The following ESRRG variants were observed in gnomAD, a reference collection of about 807,000 sequenced individuals.
The protein encoded by ESRRG is estrogen-related receptor gamma.
A neutral mutation model predicts 44.0 loss-of-function variants in ESRRG; 13 were observed. The observed-to-expected ratio is 0.30, with a 90% confidence interval of 0.19 to 0.47. The LOEUF (loss-of-function observed/expected upper bound fraction) is 0.47. ESRRG is among the 20% of genes least tolerant of loss of function. The probability of loss-of-function intolerance (pLI) is 1.00; values close to 1 mark genes in which losing one functional copy is unlikely to be tolerated. For missense variants in ESRRG, 395 were observed against 580.6 expected (o/e 0.68, Z 3.29); for synonymous variants, 215 against 214.6 (o/e 1.00, Z -0.02).
intron 3 of ESRRG, among the ~76,000 whole-genome samples, chr1:216,615,187 C>T (rs1304696019): frequency 1.3e-5 from 2 of 152,166 alleles, no homozygotes; most frequent in Non-Finnish European, 2.9e-5. Flanking sequence ...TTCAAAGTGA[C>T]TGAGGAGCTT....
At chr1:216,693,509 G>C (rs1017298397) in intron 1 of ESRRG, among the ~76,000 whole-genome samples, 1 of 152,116 alleles carries the variant, frequency 6.6e-6, no homozygotes, top group Non-Finnish European at 1.5e-5. Context: ...AGATACCAAA[G>C]TCTACAGATG....
intron 2 of ESRRG, among the ~76,000 whole-genome samples, chr1:216,795,148 A>C (rs2094438494): frequency 6.6e-6 from 1 of 152,110 alleles, no homozygotes; most frequent in African/African-American, 2.4e-5. Context: ...CTTCTCAAAA[A>C]TGTGAGTACC....
chr1:217,061,528 G>T (rs1449899977), intron 1 of ESRRG, among the ~76,000 whole-genome samples: 1 of 152,120 alleles, frequency 6.6e-6, no homozygotes, highest in African/African-American at 2.4e-5. Context: ...GACTATAGAA[G>T]AGGTAAGCCC....
intron 2 of ESRRG, among the ~76,000 whole-genome samples, chr1:216,871,099 T>G (rs983192158): frequency 6.6e-6 from 1 of 151,984 alleles, no homozygotes; most frequent in African/African-American, 2.4e-5. Flanking sequence ...TGAAGATCTT[T>G]CTTATTTTCT....
intron 1 of ESRRG, among the ~76,000 whole-genome samples, chr1:217,124,036 C>T (rs1290964587): frequency 6.6e-6 from 1 of 152,236 alleles, no homozygotes; most frequent in African/African-American, 2.4e-5. Context: ...TATCACACCA[C>T]ATATAACCTT....
Position 216,558,538 on chromosome 1 carries a change from G to A in ESRRG, c.862+5681C>T, listed in dbSNP as rs1315603037. ...TAGATCACTTGGTTTTAATTGTAAT[G>A]ACAATCTATGGCAGTACCTTGAAAA... On this transcript the variant is annotated intron_variant, in intron 5 of 6. Transcript: ENST00000408911. Among the ~76,000 whole-genome samples, 3 of 152,068 alleles carry A rather than the reference G, an allele frequency of 2.0e-5. No homozygotes were observed. The East Asian group carries it at 5.8e-4, about 29-fold the overall frequency.
At chr1:216,776,179 T>G (rs997841648) in intron 2 of ESRRG, among the ~76,000 whole-genome samples, 7 of 152,114 alleles carry the variant, frequency 4.6e-5, no homozygotes, top group Non-Finnish European at 7.4e-5. Context: ...TTTAGAATCC[T>G]TTCTCACTAT....
intron 2 of ESRRG, among the ~76,000 whole-genome samples, chr1:216,825,814 A>G (rs1293279872): frequency 6.6e-6 from 1 of 152,204 alleles, no homozygotes; most frequent in Non-Finnish European, 1.5e-5. Context: ...ATGTAATGAC[A>G]GGGAATCTTC....
At chr1:217,051,516 C>A (rs2086033192) in intron 1 of ESRRG, among the ~76,000 whole-genome samples, 1 of 152,114 alleles carries the variant, frequency 6.6e-6, no homozygotes, top group African/African-American at 2.4e-5. Flanking sequence ...CTGGAGCCTC[C>A]AATTAAAAGG....
At chr1:216,851,342 T>C (rs2095839888) in intron 2 of ESRRG, among the ~76,000 whole-genome samples, 1 of 152,130 alleles carries the variant, frequency 6.6e-6, no homozygotes, top group African/African-American at 2.4e-5. Context: ...TGAAACACAG[T>C]AGTGTAGGAG....
chr1:217,105,037 G>C (rs892641413), intron 1 of ESRRG, among the ~76,000 whole-genome samples: 1 of 152,126 alleles, frequency 6.6e-6, no homozygotes, highest in African/African-American at 2.4e-5. Flanking sequence ...CCTATACTCT[G>C]TGACCCTCTC....
intron 2 of ESRRG, among the ~76,000 whole-genome samples, chr1:216,914,354 G>T (rs960534919): frequency 1.3e-5 from 2 of 152,032 alleles, no homozygotes; most frequent in African/African-American, 4.8e-5. Context: ...AACATTGATT[G>T]TTATATGAGC....
intron 1 of ESRRG, among the ~76,000 whole-genome samples, chr1:216,679,236 C>T (rs541592522): frequency 3.9e-5 from 6 of 152,336 alleles, no homozygotes; most frequent in East Asian, 1.9e-4. Context: ...GCCTGAACTA[C>T]GGCGTCCTCT....
rs986727353 is a variant in ESRRG at position 216,928,718 on chromosome 1, C to T, written c.-14+10864G>A. Among the ~76,000 whole-genome samples, 6 of 152,144 alleles carry T rather than the reference C, an allele frequency of 3.9e-5. No individual in the cohort carries two copies. In the South Asian group the frequency reaches 1.0e-3, roughly 26 times the overall value. On this transcript the variant is annotated intron_variant, in intron 2 of 7. Coordinates refer to the ESRRG transcript ENST00000359162. ...TGGAAACAATCCAAATATTAATCAA[C>T]AAACAAATGGAAAAACAAAATGTGG...
intron 3 of ESRRG, among the ~76,000 whole-genome samples, chr1:216,630,252 G>C (rs556263643): frequency 6.6e-6 from 1 of 151,972 alleles, no homozygotes; most frequent in Non-Finnish European, 1.5e-5. Context: ...TTCATTCTCT[G>C]GTCAGAGAGA....
At chr1:216,983,412 TG>T (rs2074318535) in intron 1 of ESRRG, among the ~76,000 whole-genome samples, 1 of 151,714 alleles carries the variant, frequency 6.6e-6, no homozygotes, top group Admixed American at 6.6e-5. Context: ...TTGTATTTTT[TG>T]CAAAGACGGG....
intron 5 of ESRRG, among the ~76,000 whole-genome samples, chr1:216,530,315 T>C (rs2048986222): frequency 7.1e-6 from 1 of 140,784 alleles, no homozygotes; most frequent in African/African-American, 2.7e-5. Flanking sequence ...TCTATCTATC[T>C]ATCTATCTAT....
intron 2 of ESRRG, among the ~76,000 whole-genome samples, chr1:216,857,900 C>T (rs992750376): frequency 5.3e-5 from 8 of 152,118 alleles, no homozygotes; most frequent in Non-Finnish European, 1.2e-4. Context: ...CAAATTTTCA[C>T]TAACATTTCC....
Position 217,080,662 on chromosome 1 carries a change from G to GT in ESRRG, c.-106+8844dup, listed in dbSNP as rs1372267169. Among the ~76,000 whole-genome samples, 969 of 128,932 alleles carry GT rather than the reference G, an allele frequency of 7.5e-3. 13 individuals carry two copies. Among genetic ancestry groups the GT allele is most frequent in the African/African-American group, 0.027 (902 of 33,410 alleles). 84.6% of individuals were successfully genotyped at this position (128,932 alleles called of 152,430 possible). ...GTTTGTTTGTTTGTTTGTTTGTTTTGTTTTTTTGGTTTTTTTTTTTTTTTT... is the reference window on the plus strand; with the variant it reads ...GTTTGTTTGTTTGTTTGTTTGTTTTGTTTTTTTTGGTTTTTTTTTTTTTTTT... On this transcript the variant is annotated intron_variant, in intron 1 of 7. Transcript: ENST00000359162.
Sources: gnomAD v4.1 joint callset for allele counts (sites outside exome capture counted in the v4.1 genomes callset) on GRCh38, gnomAD v4.1.1 for gene constraint, MANE v1.5 for transcripts, NCBI Gene and HGNC (gene_info 2026-07-23, HGNC 2026-07-21) for gene names.